The following KSR2 variants were observed in gnomAD, a reference collection of about 807,000 sequenced individuals.
KSR2 encodes the protein kinase suppressor of ras 2.
KSR2 carries 25 observed loss-of-function variants against 107.8 expected under a neutral mutation model. The ratio of observed to expected loss-of-function variants is 0.23; its 90% CI spans 0.17 to 0.32. The LOEUF (loss-of-function observed/expected upper bound fraction) is 0.32. Among genes scored for constraint, KSR2 ranks in the 10% least tolerant of loss-of-function variants. KSR2 has a pLI of 1.00. For synonymous variants in KSR2, 480 were observed against 507.0 expected, an observed-to-expected ratio of 0.95 and a Z score of 0.71; for missense variants, 887 against 1,268.9, an observed-to-expected ratio of 0.70 and a Z score of 4.57.
intron 9 of KSR2, among the ~76,000 whole-genome samples, chr12:117,540,438 G>A (rs529779622): frequency 6.6e-6 from 1 of 152,276 alleles, no homozygotes; most frequent in South Asian, 2.1e-4. Flanking sequence ...GGACTTCCAA[G>A]CACAGTAGTG....
At position 117,531,679 on chromosome 12, in the gene KSR2, C is replaced by T. The variant is rs774421921; in HGVS notation, c.1716G>A (p.Gln572=). The change falls in exon 11 of 20, where the codon CAG becomes CAA. Residue 572 remains glutamine, a synonymous_variant. Transcript: ENST00000339824. ...PASHYYKYKQ[Q]FIFPDVVPVP... The stretch of plus-strand genomic sequence containing the variant: ...CATGAAACTCACCTGGGAAGATGAA[C>T]TGCTGCTTGTATTTGTAGTAGTGGG... 2.5e-6 allele frequency: 4 copies of T among 1,603,816 alleles called. No individual in the cohort carries two copies. The highest frequency in any genetic ancestry group is 3.4e-6 in the Non-Finnish European group (4 of 1,175,788).
chr12:117,718,426 C>T (rs904562074), intron 4 of KSR2, among the ~76,000 whole-genome samples: 1 of 152,200 alleles, frequency 6.6e-6, no homozygotes. Context: ...GATTAATGGT[C>T]TTTAAATAAA....
intron 9 of KSR2, among the ~76,000 whole-genome samples, chr12:117,542,586 CT>C (rs754371561): frequency 2.0e-5 from 3 of 152,170 alleles, no homozygotes; most frequent in Non-Finnish European, 4.4e-5. Flanking sequence ...CCTCACCATC[CT>C]CCCCCCATAT....
At chr12:117,546,562 T>C (rs12580177) in intron 9 of KSR2, among the ~76,000 whole-genome samples, 37,413 of 152,128 alleles carry the variant, frequency 0.25, 5,376 homozygotes, top group Admixed American at 0.43. Flanking sequence ...TTTTCAGCTC[T>C]GTCCTCTTTC....
intron 10 of KSR2, among the ~76,000 whole-genome samples, chr12:117,533,756 A>T (rs1875829675): frequency 6.6e-6 from 1 of 152,124 alleles, no homozygotes; most frequent in African/African-American, 2.4e-5. Context: ...ACTGACAGCT[A>T]TGTTCTTTTT....
chr12:117,505,103 G>A (rs1250556875), intron 14 of KSR2, among the ~76,000 whole-genome samples: 2 of 152,194 alleles, frequency 1.3e-5, no homozygotes, highest in African/African-American at 2.4e-5. Flanking sequence ...TTATGGACGA[G>A]TAGTATTCCA....
chr12:117,910,990 G>A (rs997354180), intron 1 of KSR2, among the ~76,000 whole-genome samples: 1 of 152,142 alleles, frequency 6.6e-6, no homozygotes, highest in Non-Finnish European at 1.5e-5. Flanking sequence ...CTGCCTTTAA[G>A]ATACCATATG....
chr12:117,649,878 T>C (rs936567935), intron 5 of KSR2, among the ~76,000 whole-genome samples: 1 of 152,226 alleles, frequency 6.6e-6, no homozygotes, highest in Non-Finnish European at 1.5e-5. Flanking sequence ...CACAGCCTGC[T>C]AATTCAGGTC....
chr12:117,968,306 G>GGT lies in KSR2; in HGVS notation c.-52_-51insAC, dbSNP rs1566105107. The GGT allele has an allele frequency of 9.2e-6, 10 of 1,092,628 alleles. 1 individual carries two copies. The highest frequency in any genetic ancestry group is 1.0e-5 in the Non-Finnish European group (9 of 879,760). 67.7% of individuals were successfully genotyped at this position (1,092,628 alleles called of 1,614,324 possible). A position where few individuals can be genotyped will look rare whatever the true frequency, so the allele number is the denominator to read the frequency against. ...TCCTCCTCCTCCCAGAGAGAAAAAA[G>GGT]AGGGGGGGGAGTAGAGGTAGTCTAC... On this transcript the variant is annotated 5_prime_UTR_variant, in exon 1 of 20. Coordinates refer to ENST00000339824, the MANE Select transcript of KSR2 (RefSeq NM_173598.6).
At chr12:117,558,624 C>G in intron 7 of KSR2, 51 bp from the exon 8 acceptor site, 1 of 1,433,990 alleles carries the variant, frequency 7.0e-7, no homozygotes. Context: ...GCTGAGTGAG[C>G]GGGTAGGTGG....
intron 1 of KSR2, among the ~76,000 whole-genome samples, chr12:117,960,869 G>A (rs562855149): frequency 4.7e-5 from 7 of 148,726 alleles, no homozygotes; most frequent in East Asian, 4.0e-4. Context: ...GTACAATCTC[G>A]GCTCACTGCA....
chr12:117,554,126 C>T (rs1877499054), intron 9 of KSR2, among the ~76,000 whole-genome samples: 1 of 152,188 alleles, frequency 6.6e-6, no homozygotes, highest in South Asian at 2.1e-4. Flanking sequence ...CTTGGAAAAT[C>T]ACCTGCTGGT....
At chr12:117,681,920 A>G (rs960716008) in intron 4 of KSR2, among the ~76,000 whole-genome samples, 1 of 152,242 alleles carries the variant, frequency 6.6e-6, no homozygotes, top group Non-Finnish European at 1.5e-5. Flanking sequence ...ATTAAAGGGT[A>G]TATACCCAAA....
intron 10 of KSR2, among the ~76,000 whole-genome samples, chr12:117,538,350 A>G (rs1876198170): frequency 6.6e-6 from 1 of 152,178 alleles, no homozygotes; most frequent in Admixed American, 6.5e-5. Flanking sequence ...AGAATTCAAA[A>G]TATGTGCCAT....
intron 12 of KSR2, among the ~76,000 whole-genome samples, chr12:117,530,274 A>G (rs1252581972): frequency 6.6e-6 from 1 of 152,158 alleles, no homozygotes; most frequent in Non-Finnish European, 1.5e-5. Flanking sequence ...AGCTTATATT[A>G]TTTTTATAAT....
chr12:117,783,037 A>G (rs539518643), intron 3 of KSR2, among the ~76,000 whole-genome samples: 2 of 152,232 alleles, frequency 1.3e-5, no homozygotes, highest in Non-Finnish European at 2.9e-5. Flanking sequence ...ATAAATATTT[A>G]CTGAGCCCTA....
intron 14 of KSR2, among the ~76,000 whole-genome samples, chr12:117,506,550 G>A (rs1592937148): frequency 6.6e-6 from 1 of 152,116 alleles, no homozygotes; most frequent in East Asian, 1.9e-4. Flanking sequence ...AAGAGTTTTG[G>A]GTCATCCACA....
intron 3 of KSR2, among the ~76,000 whole-genome samples, chr12:117,820,691 C>T (rs1318857270): frequency 6.6e-6 from 1 of 152,074 alleles, no homozygotes; most frequent in Non-Finnish European, 1.5e-5. Context: ...CCCCTACAAC[C>T]CAGAGGTTCA....
At chr12:117,918,699 A>G (rs1895253744) in intron 1 of KSR2, among the ~76,000 whole-genome samples, 1 of 150,546 alleles carries the variant, frequency 6.6e-6, no homozygotes, top group South Asian at 2.1e-4. Flanking sequence ...GAGGCAGGAG[A>G]TTCGCTTGAA....
Sources: gnomAD v4.1 joint callset for allele counts (sites outside exome capture counted in the v4.1 genomes callset) on GRCh38, gnomAD v4.1.1 for gene constraint, MANE v1.5 for transcripts, NCBI Gene and HGNC (gene_info 2026-07-23, HGNC 2026-07-21) for gene names.